The following TMEM108 variants were observed in gnomAD, a reference collection of about 807,000 sequenced individuals.
TMEM108 encodes the protein cancer/testis antigen 124.
In TMEM108, 12 loss-of-function variants were observed where a neutral mutation model predicts 35.1. The observed-to-expected ratio is 0.34, with a 90% CI of 0.22 to 0.55. The LOEUF (loss-of-function observed/expected upper bound fraction) is 0.55. Among genes scored for constraint, TMEM108 ranks in the 20% least tolerant of loss-of-function variants. The pLI, the probability that TMEM108 is intolerant of heterozygous loss-of-function variation, is 0.89. For synonymous variants in TMEM108, 287 were observed against 308.6 expected (o/e 0.93, Z 0.73); for missense variants, 680 against 753.3 (o/e 0.90, Z 1.14).
At chr3:133,101,197 T>C (rs1576318791) in intron 2 of TMEM108, among the ~76,000 whole-genome samples, 1 of 152,232 alleles carries the variant, frequency 6.6e-6, no homozygotes, top group Admixed American at 6.5e-5. Flanking sequence ...ACTGGATTTT[T>C]TTGGGTGAAA....
chr3:133,379,579 C>T, intron 3 of TMEM108, 173 bp from the exon 4 acceptor site: 1 of 669,280 alleles, frequency 1.5e-6, no homozygotes, highest in South Asian at 2.1e-5. Context: ...CCTAATAGAC[C>T]TGCCCCAGCT....
chr3:133,047,703 T>C (rs1943357056), intron 2 of TMEM108, among the ~76,000 whole-genome samples: 1 of 151,988 alleles, frequency 6.6e-6, no homozygotes, highest in Non-Finnish European at 1.5e-5. Context: ...GAAACACTGC[T>C]GAAGGGATAT....
chr3:133,386,465 A>G, intron 4 of TMEM108: 1 of 1,536,136 alleles, frequency 6.5e-7, no homozygotes. Flanking sequence ...ACAAATGTGA[A>G]TACAGTACTC....
chr3:133,395,726 C>A, intron 5 of TMEM108, 138 bp from the exon 6 acceptor site: 1 of 826,074 alleles, frequency 1.2e-6, no homozygotes, highest in Non-Finnish European at 1.7e-6. Context: ...TGCACCTCAG[C>A]ATTAGCAGTA....
intron 3 of TMEM108, among the ~76,000 whole-genome samples, chr3:133,328,658 C>T (rs1234098166): frequency 1.3e-5 from 2 of 152,292 alleles, no homozygotes; most frequent in South Asian, 2.1e-4. Context: ...GTGGATTTTC[C>T]TAACCTCATC....
At chr3:133,062,988 G>A (rs1943553471) in intron 2 of TMEM108, among the ~76,000 whole-genome samples, 1 of 152,160 alleles carries the variant, frequency 6.6e-6, no homozygotes, top group South Asian at 2.1e-4. Flanking sequence ...TGGCTAAGGA[G>A]GTGAATTTGG....
At chr3:133,047,819 A>T (rs1209882102) in intron 2 of TMEM108, among the ~76,000 whole-genome samples, 1 of 152,176 alleles carries the variant, frequency 6.6e-6, no homozygotes, top group Admixed American at 6.5e-5. Context: ...TAAATAGCTA[A>T]ATAGTCTAAT....
chr3:133,324,199 G>T, intron 3 of TMEM108, among the ~76,000 whole-genome samples: 1 of 152,152 alleles, frequency 6.6e-6, no homozygotes, highest in Non-Finnish European at 1.5e-5. Flanking sequence ...AAAACCTTCT[G>T]TACAGCAAAA....
chr3:133,067,169 A>G (rs1414291982), intron 2 of TMEM108, among the ~76,000 whole-genome samples: 1 of 152,094 alleles, frequency 6.6e-6, no homozygotes, highest in African/African-American at 2.4e-5. Context: ...TTGTTGTGTC[A>G]TGGGGATAAT....
intron 3 of TMEM108, among the ~76,000 whole-genome samples, chr3:133,330,369 G>A (rs537129703): frequency 6.6e-6 from 1 of 152,304 alleles, no homozygotes; most frequent in East Asian, 1.9e-4. Flanking sequence ...TTAAGCAGGA[G>A]GGAAACAATA....
At chr3:133,277,449 A>T (rs994466884) in intron 3 of TMEM108, among the ~76,000 whole-genome samples, 1 of 152,224 alleles carries the variant, frequency 6.6e-6, no homozygotes, top group Admixed American at 6.5e-5. Context: ...TAAATAAAAG[A>T]TAAAAGAATA....
intron 3 of TMEM108, among the ~76,000 whole-genome samples, chr3:133,321,828 C>T (rs2071271238): frequency 6.6e-6 from 1 of 152,084 alleles, no homozygotes; most frequent in Non-Finnish European, 1.5e-5. Flanking sequence ...ATACCAAGTG[C>T]CCTCTCAGAC....
chr3:133,285,962 C>T (rs973109549), intron 3 of TMEM108, among the ~76,000 whole-genome samples: 5 of 152,310 alleles, frequency 3.3e-5, no homozygotes, highest in Admixed American at 2.0e-4. Flanking sequence ...CATGAACTTA[C>T]GAAGCTATCT....
chr3:133,250,447 C>T (rs1421270544), intron 3 of TMEM108, among the ~76,000 whole-genome samples: 5 of 152,150 alleles, frequency 3.3e-5, no homozygotes, highest in Non-Finnish European at 5.9e-5. Context: ...ATATAACATA[C>T]AAAATATGTG....
intron 2 of TMEM108, among the ~76,000 whole-genome samples, chr3:133,061,424 A>AAGATGGTC (rs1390787815): frequency 6.6e-6 from 1 of 152,100 alleles, no homozygotes; most frequent in Non-Finnish European, 1.5e-5. Flanking sequence ...CGTGTTAGCC[A>AAGATGGTC]AGATGGTCTC....
At chr3:133,261,058 C>T (rs867801732) in intron 3 of TMEM108, among the ~76,000 whole-genome samples, 1 of 152,144 alleles carries the variant, frequency 6.6e-6, no homozygotes, top group South Asian at 2.1e-4. Flanking sequence ...ATGGCAACAA[C>T]AGCATCATAT....
chr3:133,381,019 C>T lies in TMEM108; in HGVS notation c.1308C>T (p.Ala436=), dbSNP rs748028065. 3.0e-5 allele frequency: 49 copies of T among 1,614,100 alleles called. No individual in the cohort carries two copies. In the South Asian group the frequency reaches 3.5e-4, roughly 12 times the overall value. ...TGNFLNRLVP[A]GTWKPGTAGN... The stretch of plus-strand genomic sequence containing the variant: ...ATTTCCTCAACCGCCTGGTCCCCGC[C>T]GGGACCTGGAAGCCTGGGACAGCAG... The change falls in exon 4 of 6, where the codon GCC becomes GCT. Residue 436 remains alanine, a synonymous_variant. Coordinates refer to ENST00000321871, the MANE Select transcript of TMEM108 (RefSeq NM_023943.4).
intron 3 of TMEM108, among the ~76,000 whole-genome samples, chr3:133,334,749 T>G (rs1422017319): frequency 6.6e-6 from 1 of 152,174 alleles, no homozygotes; most frequent in African/African-American, 2.4e-5. Context: ...AGATGCTAAT[T>G]TCTGATTTGT....
intron 3 of TMEM108, among the ~76,000 whole-genome samples, chr3:133,352,863 A>T (rs1439281444): frequency 3.3e-5 from 5 of 152,134 alleles, no homozygotes; most frequent in African/African-American, 7.2e-5. Context: ...ATCACTGGCC[A>T]TTAGCAATGA....
Sources: gnomAD v4.1 joint callset for allele counts (sites outside exome capture counted in the v4.1 genomes callset) on GRCh38, gnomAD v4.1.1 for gene constraint, MANE v1.5 for transcripts, NCBI Gene and HGNC (gene_info 2026-07-23, HGNC 2026-07-21) for gene names.